Variants in DLG2 observed in about 807,000 individuals in gnomAD.
DLG2 encodes the protein discs large MAGUK scaffold protein 2.
In DLG2, 45 loss-of-function variants were observed where a neutral mutation model predicts 132.5. The observed-to-expected ratio is 0.34, with a 90% confidence interval of 0.27 to 0.44. The LOEUF is 0.44. DLG2 is among the 20% of genes least tolerant of loss of function. The pLI is 1.00. For synonymous variants in DLG2, 424 were observed against 419.6 expected (o/e 1.01, Z -0.13); for missense variants, 1,045 against 1,196.9 (o/e 0.87, Z 1.87).
intron 6 of DLG2, among the ~76,000 whole-genome samples, chr11:84,860,260 A>T (rs2083429332): frequency 6.6e-6 from 1 of 152,134 alleles, no homozygotes. Flanking sequence ...TTCCTAAAAG[A>T]ATACTGTAAA....
rs552537845 is a variant in DLG2 at position 83,467,509 on chromosome 11, G to A, written c.2620-692C>T. On this transcript the variant is annotated intron_variant, in intron 25 of 27. Coordinates refer to ENST00000376104, the MANE Select transcript of DLG2 (RefSeq NM_001142699.3). ...CATGGCTGTAATCCTAGCACTCTAG[G>A]AGGCCGAGGCGGGTGGATCACCTGA... Among the ~76,000 whole-genome samples the A allele has an allele frequency of 9.2e-5, 14 of 151,988 alleles. 1 individual carries two copies. Among genetic ancestry groups the A allele is most frequent in the African/African-American group, 3.4e-4 (14 of 41,472 alleles).
chr11:83,578,426 T>C (rs2096917796), intron 19 of DLG2, among the ~76,000 whole-genome samples: 1 of 152,052 alleles, frequency 6.6e-6, no homozygotes, highest in South Asian at 2.1e-4. Context: ...TCATGTCAAC[T>C]GTAAAAAGTT....
At position 83,629,938 on chromosome 11, in the gene DLG2, C is replaced by T. The variant is rs1409221593; in HGVS notation, c.1940+3273G>A. 2.0e-5 allele frequency among the ~76,000 whole-genome samples: 3 copies of T among 152,088 alleles called. No homozygotes were observed. The East Asian group carries it at 5.8e-4, about 29-fold the overall frequency. ...CTACATGTTTCACAATGCTTTACTG[C>T]TATATGTTTCACAATGCAGGAAATA... On this transcript the variant is annotated intron_variant, in intron 19 of 27. Transcript: ENST00000376104.
intron 4 of DLG2, among the ~76,000 whole-genome samples, chr11:85,172,804 AC>A (rs2078967938): frequency 6.6e-6 from 1 of 152,184 alleles, no homozygotes; most frequent in Non-Finnish European, 1.5e-5. Context: ...CTGAAAAACA[AC>A]ACAAGAATGT....
At chr11:85,097,015 G>A (rs115435011) in intron 6 of DLG2, among the ~76,000 whole-genome samples, 119 of 152,112 alleles carry the variant, frequency 7.8e-4, no homozygotes, top group African/African-American at 2.6e-3. Context: ...TTGACCCTGC[G>A]GCCATGAGCA....
chr11:84,301,676 A>AAAAT (rs1485326211), intron 7 of DLG2, among the ~76,000 whole-genome samples: 4 of 147,734 alleles, frequency 2.7e-5, no homozygotes, highest in Non-Finnish European at 6.0e-5. Context: ...AAAAAAAAAA[A>AAAAT]GTCAAGAAAC....
intron 3 of DLG2, among the ~76,000 whole-genome samples, chr11:85,351,585 A>G (rs2083291926): frequency 6.6e-6 from 1 of 152,210 alleles, no homozygotes; most frequent in African/African-American, 2.4e-5. Flanking sequence ...GATACGTTCC[A>G]TCAGTACCTA....
Position 84,609,818 on chromosome 11 carries a change from T to C in DLG2, c.358-75087A>G, listed in dbSNP as rs191639812. On this transcript the variant is annotated intron_variant, in intron 6 of 27. Transcript: ENST00000376104. ...TGACACATGGACTGGCAGCATTTAA[T>C]GGTTAGGCCCAAAGCAATCTCAGTA... Among the ~76,000 whole-genome samples the C allele has an allele frequency of 5.0e-4, 76 of 152,288 alleles. 1 individual carries two copies. The highest frequency in any genetic ancestry group is 1.3e-4 in the Non-Finnish European group (9 of 68,010).
chr11:84,760,426 A>C lies in DLG2; in HGVS notation c.358-225695T>G, dbSNP rs554112904. ...AATTGGCTTCATTACCAAATGTTAC[A>C]GGTTTACCAATAGTCTGGGGTTTGC... On this transcript the variant is annotated intron_variant, in intron 6 of 27. Coordinates refer to ENST00000376104, the MANE Select transcript of DLG2 (RefSeq NM_001142699.3). Among the ~76,000 whole-genome samples the C allele has an allele frequency of 3.3e-5, 5 of 152,320 alleles. 1 individual carries two copies. In the South Asian group the frequency reaches 6.2e-4, roughly 19 times the overall value.
At chr11:84,312,902 T>C (rs1276820335) in intron 7 of DLG2, among the ~76,000 whole-genome samples, 1 of 152,000 alleles carries the variant, frequency 6.6e-6, no homozygotes, top group Non-Finnish European at 1.5e-5. Context: ...CTCCACCTCC[T>C]GGGTTCAAGA....
At chr11:84,939,648 C>T (rs1487269930) in intron 6 of DLG2, among the ~76,000 whole-genome samples, 1 of 152,156 alleles carries the variant, frequency 6.6e-6, no homozygotes, top group Non-Finnish European at 1.5e-5. Flanking sequence ...ATTTTTAGCT[C>T]CCACAAATGA....
intron 18 of DLG2, among the ~76,000 whole-genome samples, chr11:83,734,053 A>G (rs747411457): frequency 3.9e-5 from 6 of 152,064 alleles, no homozygotes; most frequent in Non-Finnish European, 8.8e-5. Context: ...ACTTAACACA[A>G]TGGCTTCCAG....
At chr11:84,076,585 T>A (rs913447899) in intron 10 of DLG2, among the ~76,000 whole-genome samples, 2 of 152,230 alleles carry the variant, frequency 1.3e-5, no homozygotes, top group Non-Finnish European at 2.9e-5. Context: ...TTCCCACTTA[T>A]AACTCCTATC....
At chr11:83,762,244 T>C (rs2093940365) in intron 18 of DLG2, among the ~76,000 whole-genome samples, 1 of 152,240 alleles carries the variant, frequency 6.6e-6, no homozygotes, top group African/African-American at 2.4e-5. Context: ...CTAAAATCTG[T>C]CAGCGATTGC....
At chr11:84,112,845 T>C (rs1252507964) in intron 9 of DLG2, among the ~76,000 whole-genome samples, 1 of 152,202 alleles carries the variant, frequency 6.6e-6, no homozygotes, top group Non-Finnish European at 1.5e-5. Flanking sequence ...TTCTGCTGTG[T>C]TCAGATTCTA....
At chr11:84,689,576 T>C (rs897193822) in intron 6 of DLG2, among the ~76,000 whole-genome samples, 7 of 152,148 alleles carry the variant, frequency 4.6e-5, no homozygotes, top group African/African-American at 9.6e-5. Flanking sequence ...TTGAGCACTA[T>C]TGACATCATC....
At chr11:84,997,260 A>G (rs572177924) in intron 6 of DLG2, 1 of 152,564 alleles carries the variant, frequency 6.6e-6, no homozygotes, top group East Asian at 1.9e-4. Flanking sequence ...TTCTTTTTAC[A>G]TCTGGCTTGC....
chr11:84,818,014 CCAAA>C, intron 6 of DLG2, among the ~76,000 whole-genome samples: 1 of 152,072 alleles, frequency 6.6e-6, no homozygotes, highest in African/African-American at 2.4e-5. Context: ...CTAGCATATG[CCAAA>C]CAGATGATGA....
At chr11:84,048,696 C>T (rs1044532057) in intron 11 of DLG2, among the ~76,000 whole-genome samples, 4 of 151,672 alleles carry the variant, frequency 2.6e-5, no homozygotes, top group African/African-American at 9.7e-5. Flanking sequence ...ACCAGTTGTA[C>T]AAACTTTGTT....
Sources: allele counts gnomAD v4.1 joint callset (sites outside exome capture counted in the v4.1 genomes callset), GRCh38; gene constraint gnomAD v4.1.1; transcripts MANE v1.5; gene names NCBI Gene and HGNC (gene_info 2026-07-23, HGNC 2026-07-21).